PLEKHG4B: variants seen among roughly 807,000 people sequenced by gnomAD.
PLEKHG4B encodes the protein pleckstrin homology domain-containing family G member 4B.
Under a neutral mutation model 121.3 loss-of-function variants are expected in PLEKHG4B, and 111 were observed. The ratio of observed to expected loss-of-function variants is 0.92; its 90% CI spans 0.78 to 1.07. The LOEUF (loss-of-function observed/expected upper bound fraction) is 1.07, where lower values mean the gene tolerates loss of function less well. Among genes scored for constraint, PLEKHG4B ranks in the 50% least tolerant of loss-of-function variants. The pLI, the probability that PLEKHG4B is intolerant of heterozygous loss-of-function variation, is 0.00. For synonymous variants in PLEKHG4B, 738 were observed against 725.0 expected (o/e 1.02, Z -0.29); for missense variants, 1,831 against 1,757.8 (o/e 1.04, Z -0.74).
intron 3 of PLEKHG4B, among the ~76,000 whole-genome samples, chr5:142,320 A>G (rs781492220): frequency 4.0e-5 from 6 of 151,896 alleles, no homozygotes; most frequent in South Asian, 2.1e-4. Context: ...ACACGCCATA[A>G]CAACCACACA....
At chr5:111,094 T>A (rs1033820954) in intron 1 of PLEKHG4B, among the ~76,000 whole-genome samples, 2 of 152,270 alleles carry the variant, frequency 1.3e-5, no homozygotes, top group African/African-American at 4.8e-5. Flanking sequence ...AGCAGTCATC[T>A]AGTGGCACCC....
chr5:97,461 G>A lies in PLEKHG4B; in HGVS notation c.45+5185G>A, dbSNP rs955754285. Among the ~76,000 whole-genome samples the A allele has an allele frequency of 4.6e-5, 7 of 152,066 alleles. No individual in the cohort carries two copies. The South Asian group carries it at 8.3e-4, about 18-fold the overall frequency. ...CTATCAAGCTGTTTGTCCACATTCC[G>A]TCCTCCCCAGCCCCAGGCAACTCAT... On this transcript the variant is annotated intron_variant, in intron 1 of 19. Transcript: ENST00000637938.
chr5:162,608 G>A, intron 12 of PLEKHG4B, 114 bp from the exon 13 acceptor site: 1 of 778,618 alleles, frequency 1.3e-6, no homozygotes, highest in Non-Finnish European at 1.8e-6. Flanking sequence ...CTCTCGCTCT[G>A]CTTTCTGGCC....
intron 6 of PLEKHG4B, among the ~76,000 whole-genome samples, chr5:150,427 T>C (rs1018481396): frequency 6.6e-6 from 1 of 152,174 alleles, no homozygotes; most frequent in African/African-American, 2.4e-5. Context: ...TGGAGACGAA[T>C]GGTGGTGGTG....
rs958206479 is a variant in PLEKHG4B, at chr5:183,802, T to C, written c.*1479T>C. On this transcript the variant is annotated 3_prime_UTR_variant, in exon 20 of 20. Coordinates refer to ENST00000637938, the MANE Select transcript of PLEKHG4B (RefSeq NM_052909.5). ...AAGACCCAGACCGACCTTACAGGGA[T>C]GAGAAACTACAATATTGACAGTGGA... 9 of 152,168 alleles carry C rather than the reference T, an allele frequency of 5.9e-5. No homozygotes were observed. The highest frequency in any genetic ancestry group is 2.2e-4 in the African/African-American group (9 of 41,420). The allele number at this position is 152,168 out of a possible 1,614,324, so 9.4% of individuals were successfully genotyped here.
intron 13 of PLEKHG4B, among the ~76,000 whole-genome samples, chr5:167,071 AT>A (rs1236289444): frequency 6.6e-6 from 1 of 152,188 alleles, no homozygotes; most frequent in Non-Finnish European, 1.5e-5. Context: ...CCCCCGTGTG[AT>A]TTCCAGCCTT....
rs1321558610 is a variant in PLEKHG4B at position 137,541 on chromosome 5, A to G, written c.244-1942A>G. Among the ~76,000 whole-genome samples the G allele has an allele frequency of 6.6e-6, 1 of 152,134 alleles. No individual in the cohort carries two copies. The highest frequency in any genetic ancestry group is 1.5e-5 in the Non-Finnish European group (1 of 68,030). On this transcript the variant is annotated intron_variant, in intron 2 of 19. Coordinates refer to ENST00000637938, the MANE Select transcript of PLEKHG4B (RefSeq NM_052909.5). The surrounding 1 kb of genome is among the most constrained non-coding windows in gnomAD (Gnocchi z 4.2). Reference sequence around the variant, plus strand: ...AGTGAAGAAACCCTATGCATATTGGAAATAGGGTTTGGAAATAGGTTTTGT... The same window carrying G: ...AGTGAAGAAACCCTATGCATATTGGGAATAGGGTTTGGAAATAGGTTTTGT...
intron 1 of PLEKHG4B, among the ~76,000 whole-genome samples, chr5:98,795 GT>G (rs1733705885): frequency 7.5e-6 from 1 of 134,042 alleles, no homozygotes; most frequent in Non-Finnish European, 1.6e-5. Context: ...TTTGTAATAA[GT>G]TTTGAAATCA....
chr5:107,594 G>A (rs929579379), intron 1 of PLEKHG4B, among the ~76,000 whole-genome samples: 8 of 152,198 alleles, frequency 5.3e-5, no homozygotes, highest in African/African-American at 1.9e-4. Flanking sequence ...GACTCAGGGC[G>A]CTGCTGAGGG....
Position 159,490 on chromosome 5 carries a change from C to T in PLEKHG4B, c.2488-2293C>T, listed in dbSNP as rs114787181. ...TGCTGTCCTTGTAAGGTAGATTTTTCTCAGCTTTACCCTCTAACTCTATTA... is the reference window on the plus strand; with the variant it reads ...TGCTGTCCTTGTAAGGTAGATTTTTTTCAGCTTTACCCTCTAACTCTATTA... On this transcript the variant is annotated intron_variant, in intron 11 of 19. Transcript: ENST00000637938. This position sits in a 1 kb window ranked among gnomAD's most constrained non-coding sequence, Gnocchi z 5.5. 8.2e-3 allele frequency among the ~76,000 whole-genome samples: 1,243 copies of T among 152,284 alleles called. 20 individuals are homozygous for T. The highest frequency in any genetic ancestry group is 0.028 in the African/African-American group (1,182 of 41,548).
intron 5 of PLEKHG4B, among the ~76,000 whole-genome samples, chr5:143,833 T>C (rs947156405): frequency 1.3e-5 from 2 of 152,250 alleles, no homozygotes; most frequent in East Asian, 3.8e-4. Context: ...TTCTCTTATG[T>C]CCTTGGCTCA....
intron 6 of PLEKHG4B, among the ~76,000 whole-genome samples, chr5:145,744 A>G (rs996218101): frequency 2.6e-5 from 4 of 152,134 alleles, no homozygotes; most frequent in Non-Finnish European, 5.9e-5. Context: ...GCAGGGGCAG[A>G]TGGAAGCTCA....
At chr5:171,181 GC>G in intron 15 of PLEKHG4B, 32 bp from the exon 16 acceptor site, 1 of 1,605,524 alleles carries the variant, frequency 6.2e-7, no homozygotes, top group Non-Finnish European at 8.5e-7. Flanking sequence ...CCTCAGCCAG[GC>G]CGGAGCTGAC....
chr5:111,660 G>A (rs1472374271), intron 1 of PLEKHG4B, among the ~76,000 whole-genome samples: 3 of 152,138 alleles, frequency 2.0e-5, no homozygotes, highest in Non-Finnish European at 4.4e-5. Context: ...TCCCGGGGAT[G>A]GCCCAGTGTC....
chr5:148,109 A>G (rs1735483966), intron 6 of PLEKHG4B, among the ~76,000 whole-genome samples: 2 of 152,222 alleles, frequency 1.3e-5, no homozygotes, highest in Admixed American at 6.5e-5. Flanking sequence ...TGAAAAATCT[A>G]CAGCAAATAT....
rs1048844543 is a variant in PLEKHG4B at position 156,171 on chromosome 5, C to T, written c.2309C>T (p.Ala770Val). The T allele has an allele frequency of 2.5e-5, 40 of 1,582,174 alleles. No individual in the cohort carries two copies. Among genetic ancestry groups the T allele is most frequent in the Non-Finnish European group, 3.1e-5 (36 of 1,164,582 alleles). Residue 770 changes from alanine (A) to valine (V), a missense_variant, in exon 10 of 20, where the codon GCG (alanine) becomes GTG (valine). Transcript: ENST00000637938. This position sits in a 1 kb window ranked among gnomAD's most constrained non-coding sequence, Gnocchi z 4.4. ...SLRLEGGTVL[A>V]RLRREELGTE... Reference sequence around the variant, plus strand: ...AGGCTGGAGGGGGGCACCGTCCTGGCGCGGCTGAGGAGAGAAGAGCTTGGC... The same window carrying T: ...AGGCTGGAGGGGGGCACCGTCCTGGTGCGGCTGAGGAGAGAAGAGCTTGGC...
chr5:140,770 C>T, intron 3 of PLEKHG4B, 54 bp downstream of exon 3: 1 of 1,419,986 alleles, frequency 7.0e-7, no homozygotes, highest in South Asian at 1.4e-5. Context: ...CCCTACACAT[C>T]CCACAATCTC....
Position 154,959 on chromosome 5 carries a change from T to G in PLEKHG4B, c.2077T>G (p.Tyr693Asp). Reference protein sequence around the residue: ...LTADLDGSFPYSHGDWICFRQ... With the variant: ...LTADLDGSFPDSHGDWICFRQ... ...CGCAGACCTCGACGGCTCCTTTCCC[T>G]ACAGCCATGGTGACTGGATCTGCTT... Residue 693 changes from tyrosine to aspartate, a missense_variant, in exon 8 of 20, where the codon TAC (tyrosine) becomes GAC (aspartate). By Grantham distance (160) the Tyr-to-Asp change is radical. Transcript: ENST00000637938. 1 of 1,613,496 alleles carries G rather than the reference T, an allele frequency of 6.2e-7. No homozygotes were observed. Among genetic ancestry groups the G allele is most frequent in the South Asian group, 1.1e-5 (1 of 91,084 alleles).
chr5:99,190 A>G (rs1190683505), intron 1 of PLEKHG4B, among the ~76,000 whole-genome samples: 2 of 131,802 alleles, frequency 1.5e-5, no homozygotes, highest in African/African-American at 5.5e-5. Context: ...ATATATATAT[A>G]TATATATATA....
Sources: gnomAD v4.1 joint callset for allele counts (sites outside exome capture counted in the v4.1 genomes callset) on GRCh38, gnomAD v4.1.1 for gene constraint, Gnocchi (gnomAD v3.1) non-coding constraint, MANE v1.5 for transcripts, NCBI Gene and HGNC (gene_info 2026-07-23, HGNC 2026-07-21) for gene names.